The following WIZ variants were observed in gnomAD, a reference collection of about 807,000 sequenced individuals.
WIZ encodes the protein WIZ zinc finger.
Under a neutral mutation model 140.2 loss-of-function variants are expected in WIZ, and 25 were observed. The ratio of observed to expected loss-of-function variants is 0.18; its 90% CI spans 0.13 to 0.25. The LOEUF (loss-of-function observed/expected upper bound fraction) is 0.25. Among genes scored for constraint, WIZ ranks in the 10% least tolerant of loss-of-function variants. The probability of loss-of-function intolerance (pLI) is 1.00; values close to 1 mark genes in which losing one functional copy is unlikely to be tolerated. For synonymous variants in WIZ, 1,125 were observed against 1,154.3 expected (o/e 0.97, Z 0.51); for missense variants, 2,231 against 2,632.6 (o/e 0.85, Z 3.34).
rs1970005955 is a variant in WIZ at position 15,448,748 on chromosome 19, C to T, written c.-60-381G>A. Reference sequence around the variant, plus strand: ...CTGCCCTCACATCCATGCACACGCACATCCTACTGCCATGCCTTCGTTTCC... The same window carrying T: ...CTGCCCTCACATCCATGCACACGCATATCCTACTGCCATGCCTTCGTTTCC... On this transcript the variant is annotated intron_variant, in intron 1 of 12. Coordinates refer to ENST00000673675, the MANE Select transcript of WIZ (RefSeq NM_001371589.1). Among the ~76,000 whole-genome samples the T allele has an allele frequency of 3.9e-5, 6 of 152,156 alleles. No homozygotes were observed. In the South Asian group the frequency reaches 1.2e-3, roughly 31 times the overall value.
chr19:15,424,821 C>G lies in WIZ; in HGVS notation c.5106G>C (p.Lys1702Asn). ...GGCCATGGCCGGCACTGCGGAACTT[C>G]TTGGTGAAGGGGCGGCCGCCCTGGA... ...SYIQGGRPFT[K>N]KFRSAGHGRD... is the part of the protein sequence containing the mutation. The change falls in exon 11 of 13, where the codon AAG (lysine) becomes AAC (asparagine). Residue 1702 changes from lysine (K) to asparagine (N), a missense_variant. This residue lies in a region of WIZ where 299 missense variants were observed against 309.6 expected (regional missense o/e 0.97). Coordinates refer to ENST00000673675, the MANE Select transcript of WIZ (RefSeq NM_001371589.1). The surrounding 1 kb of genome is among the most constrained non-coding windows in gnomAD (Gnocchi z 9.7). The G allele has an allele frequency of 6.2e-7, 1 of 1,609,328 alleles. No individual in the cohort carries two copies. Among genetic ancestry groups the G allele is most frequent in the Non-Finnish European group, 8.5e-7 (1 of 1,178,680 alleles).
In WIZ at chr19:15,424,174, G is replaced by T; in HGVS notation, c.5510+9C>A. 6.7e-7 allele frequency: 1 copy of T among 1,501,728 alleles called. No homozygotes were observed. The highest frequency in any genetic ancestry group is 1.3e-5 in the South Asian group (1 of 74,590). The allele number at this position is 1,501,728 out of a possible 1,614,324, so 93.0% of individuals were successfully genotyped here. On this transcript the variant is annotated intron_variant, in intron 12 of 12. Coordinates refer to ENST00000673675, the MANE Select transcript of WIZ (RefSeq NM_001371589.1). The surrounding 1 kb of genome is among the most constrained non-coding windows in gnomAD (Gnocchi z 9.7). ...GGTGGTCTCCCTCCCTCCCCCAGGG[G>T]CAGCCTACCTGCATTTGAGGGTGTA...
Position 15,439,926 on chromosome 19 carries a change from C to T in WIZ, c.1068G>A (p.Glu356=), listed in dbSNP as rs969687458. The change falls in exon 4 of 13, where the codon GAG becomes GAA. Residue 356 remains glutamate (E), a synonymous_variant. Coordinates refer to ENST00000673675, the MANE Select transcript of WIZ (RefSeq NM_001371589.1). The surrounding 1 kb of genome is among the most constrained non-coding windows in gnomAD (Gnocchi z 7.0). Reference sequence around the variant, plus strand: ...TGGGGTCAGCAAAGGCCCAGCCACACTCCCCGCAGGCCAGCGGGGCCAGGT... The same window carrying T: ...TGGGGTCAGCAAAGGCCCAGCCACATTCCCCGCAGGCCAGCGGGGCCAGGT... ...PADLAPLACG[E]CGWAFADPTA... The T allele has an allele frequency of 1.1e-5, 17 of 1,531,702 alleles. 1 individual carries two copies. The highest frequency in any genetic ancestry group is 2.4e-5 in the South Asian group (2 of 83,734). The allele number at this position is 1,531,702 out of a possible 1,614,324, so 94.9% of individuals were successfully genotyped here. A position where few individuals can be genotyped will look rare whatever the true frequency, so the allele number is the denominator to read the frequency against.
Position 15,440,582 on chromosome 19 carries a change from G to C in WIZ, c.412C>G (p.Leu138Val). ...PLVQEAGEGI[L>V]SERRFEDSVI... Reference sequence around the variant, plus strand: ...GAGTCCTCGAATCTCCGCTCAGATAGGATGCCCTCCCCAGCCTCCTGGACA... The same window carrying C: ...GAGTCCTCGAATCTCCGCTCAGATACGATGCCCTCCCCAGCCTCCTGGACA... Residue 138 changes from leucine (L) to valine (V), a missense_variant, in exon 4 of 13, where the codon CTA (leucine) becomes GTA (valine). By Grantham distance (32) the Leu-to-Val change is conservative. Coordinates refer to ENST00000673675, the MANE Select transcript of WIZ (RefSeq NM_001371589.1). This position sits in a 1 kb window ranked among gnomAD's most constrained non-coding sequence, Gnocchi z 6.2. The C allele has an allele frequency of 2.0e-6, 3 of 1,536,156 alleles. No homozygotes were observed. Among genetic ancestry groups the C allele is most frequent in the Non-Finnish European group, 2.6e-6 (3 of 1,146,866 alleles).
rs1215247532 is a variant in WIZ at position 15,440,728 on chromosome 19, G to A, written c.279-13C>T. 17 of 1,475,512 alleles carry A rather than the reference G, an allele frequency of 1.2e-5. No individual in the cohort carries two copies. In the South Asian group the frequency reaches 1.3e-4, roughly 12 times the overall value. 91.4% of individuals were successfully genotyped at this position (1,475,512 alleles called of 1,614,324 possible). A position where few individuals can be genotyped will look rare whatever the true frequency, so the allele number is the denominator to read the frequency against. On this transcript the variant is annotated splice_polypyrimidine_tract_variant and intron_variant, in intron 3 of 12. Coordinates refer to ENST00000673675, the MANE Select transcript of WIZ (RefSeq NM_001371589.1). This position sits in a 1 kb window ranked among gnomAD's most constrained non-coding sequence, Gnocchi z 6.2. ...TCCATCCCAGCAGCTGCAAGGAAGT[G>A]CCAATGGGGACAGGTTAGCCATGGG...
chr19:15,427,262 T>G lies in WIZ; in HGVS notation c.4086A>C (p.Glu1362Asp). ...TGTGAAGGTCCGAGGGGCTGCGGGC[T>G]TCCAGTGAGCTGCCAGGACCTGCGC... ...MGGAGPGSSLEARSPSDLHIS... is the reference protein window; with the variant it reads ...MGGAGPGSSLDARSPSDLHIS... Residue 1362 changes from glutamate (E) to aspartate (D), a missense_variant, in exon 9 of 13, where the codon GAA (glutamate) becomes GAC (aspartate). Coordinates refer to ENST00000673675, the MANE Select transcript of WIZ (RefSeq NM_001371589.1). The surrounding 1 kb of genome is among the most constrained non-coding windows in gnomAD (Gnocchi z 6.4). 6.2e-7 allele frequency: 1 copy of G among 1,613,788 alleles called. No homozygotes were observed. Among genetic ancestry groups the G allele is most frequent in the Non-Finnish European group, 8.5e-7 (1 of 1,180,010 alleles).
At chr19:15,431,370 T>G (rs1969226401) in intron 5 of WIZ, among the ~76,000 whole-genome samples, 188 bp from the exon 6 acceptor site, 2 of 152,214 alleles carry the variant, frequency 1.3e-5, no homozygotes, top group Non-Finnish European at 2.9e-5. Context: ...AGGCTGCCAC[T>G]GACAGCAGAC....
At chr19:15,441,417 A>G (rs569814153) in intron 3 of WIZ, among the ~76,000 whole-genome samples, 1 of 152,294 alleles carries the variant, frequency 6.6e-6, no homozygotes, top group African/African-American at 2.4e-5. Context: ...ACATCTGTGG[A>G]GCTTTCTCAT....
At position 15,424,735 on chromosome 19, in the gene WIZ, C is replaced by A; in HGVS notation, c.5192G>T (p.Arg1731Leu). Residue 1731 changes from arginine to leucine, a missense_variant, in exon 11 of 13, where the codon CGC becomes CTC. Physicochemically the swap from Arg to Leu is moderately radical, Grantham distance 102. Coordinates refer to ENST00000673675, the MANE Select transcript of WIZ (RefSeq NM_001371589.1). The surrounding 1 kb of genome is among the most constrained non-coding windows in gnomAD (Gnocchi z 9.7). ...LAPGGLAVVG[R>L]SAGGEPGPEA... ...GGGCCCTGGCTCCCCTCCGGCACTG[C>A]GGCCGACCACGGCCAGGCCCCCGGG... 1.3e-6 allele frequency: 2 copies of A among 1,565,004 alleles called. No individual in the cohort carries two copies. The highest frequency in any genetic ancestry group is 1.7e-6 in the Non-Finnish European group (2 of 1,160,194).
rs1568310293 is a variant in WIZ at position 15,439,576 on chromosome 19, G to A, written c.1418C>T (p.Ala473Val). Residue 473 changes from alanine to valine, a missense_variant, in exon 4 of 13, where the codon GCG (alanine) becomes GTG (valine). Coordinates refer to ENST00000673675, the MANE Select transcript of WIZ (RefSeq NM_001371589.1). The surrounding 1 kb of genome is among the most constrained non-coding windows in gnomAD (Gnocchi z 7.0). ...LSACVFCGFP[A>V]PSESLLREHV... ...CTCCCTGAGCAGGCTCTCGCTGGGC[G>A]CGGGGAAACCACAGAAGACACAGGC... is the stretch of plus-strand genomic sequence containing the variant. The A allele has an allele frequency of 1.9e-5, 28 of 1,491,432 alleles. No homozygotes were observed. Among genetic ancestry groups the A allele is most frequent in the South Asian group, 2.5e-5 (2 of 79,564 alleles). 92.4% of individuals were successfully genotyped at this position (1,491,432 alleles called of 1,614,324 possible). A position where few individuals can be genotyped will look rare whatever the true frequency, so the allele number is the denominator to read the frequency against.
Position 15,427,594 on chromosome 19 carries a change from G to C in WIZ, c.3815-61C>G. 6.5e-7 allele frequency: 1 copy of C among 1,536,968 alleles called. No individual in the cohort carries two copies. Reference sequence around the variant, plus strand: ...GGAACTGCCAGCATGGTCACCTGCAGGAGTGTCCTGGTCGGCTGGGCGTGG... The same window carrying C: ...GGAACTGCCAGCATGGTCACCTGCACGAGTGTCCTGGTCGGCTGGGCGTGG... On this transcript the variant is annotated intron_variant, in intron 8 of 12. Coordinates refer to ENST00000673675, the MANE Select transcript of WIZ (RefSeq NM_001371589.1). This position sits in a 1 kb window ranked among gnomAD's most constrained non-coding sequence, Gnocchi z 6.4.
chr19:15,430,581 G>A (rs190719898), intron 6 of WIZ, among the ~76,000 whole-genome samples: 1 of 152,232 alleles, frequency 6.6e-6, no homozygotes, highest in African/African-American at 2.4e-5. Flanking sequence ...AACTTGAATG[G>A]CCCTCAAGAG....
chr19:15,428,291 G>T lies in WIZ; in HGVS notation c.3633C>A (p.His1211Gln). The stretch of plus-strand genomic sequence containing the variant: ...CGGAGGTGGGAGGCGGCCGCCCCGG[G>T]TGGGCCAGGGCGCCGCGCCTGGGTG... ...RLPPRRGALAHPGRPPPTSAA... is the reference protein window; with the variant it reads ...RLPPRRGALAQPGRPPPTSAA... The change falls in exon 8 of 13, where the codon CAC becomes CAA. Residue 1211 changes from histidine to glutamine, a missense_variant. By Grantham distance (24) the His-to-Gln change is conservative. Coordinates refer to ENST00000673675, the MANE Select transcript of WIZ (RefSeq NM_001371589.1). This position sits in a 1 kb window ranked among gnomAD's most constrained non-coding sequence, Gnocchi z 6.4. 6.5e-7 allele frequency: 1 copy of T among 1,530,018 alleles called. No individual in the cohort carries two copies. The highest frequency in any genetic ancestry group is 8.7e-7 in the Non-Finnish European group (1 of 1,144,468). 94.8% of individuals were successfully genotyped at this position (1,530,018 alleles called of 1,614,324 possible).
At position 15,420,436 on chromosome 19, in the gene WIZ, G is replaced by A; in HGVS notation, c.*2640C>T. The A allele has an allele frequency of 6.6e-6, 1 of 152,210 alleles. No homozygotes were observed. The highest frequency in any genetic ancestry group is 1.9e-4 in the East Asian group (1 of 5,206). 9.4% of individuals were successfully genotyped at this position (152,210 alleles called of 1,614,324 possible). On this transcript the variant is annotated 3_prime_UTR_variant, in exon 13 of 13. Transcript: ENST00000673675. Reference sequence around the variant, plus strand: ...GGCTTCGGGGTTCATCTCCCCATCAGCCTCAGGGATGCCTGCCTGTCTTCC... The same window carrying A: ...GGCTTCGGGGTTCATCTCCCCATCAACCTCAGGGATGCCTGCCTGTCTTCC...
chr19:15,421,578 G>A lies in WIZ; in HGVS notation c.*1498C>T, dbSNP rs1385157523. On this transcript the variant is annotated 3_prime_UTR_variant, in exon 13 of 13. Transcript: ENST00000673675. ...GAAATGTTCAATAAACATTTGCAGA[G>A]CGAGAAAATAAATAACATCGCAAAG... is the stretch of plus-strand genomic sequence containing the variant. 3 of 152,234 alleles carry A rather than the reference G, an allele frequency of 2.0e-5. No homozygotes were observed. The highest frequency in any genetic ancestry group is 2.9e-5 in the Non-Finnish European group (2 of 68,046). 9.4% of individuals were successfully genotyped at this position (152,234 alleles called of 1,614,324 possible).
rs1969678594 is a variant in WIZ at position 15,440,106 on chromosome 19, C to T, written c.888G>A (p.Glu296=). Residue 296 remains glutamate (E), a synonymous_variant, in exon 4 of 13, where the codon GAG becomes GAA. Coordinates refer to ENST00000673675, the MANE Select transcript of WIZ (RefSeq NM_001371589.1). The surrounding 1 kb of genome is among the most constrained non-coding windows in gnomAD (Gnocchi z 6.2). ...CTGGGCTGGCCACCCCTTCGGCCAC[C>T]TCCTCCAGCAGCTCACACAGGTAGG... ...TGPYLCELLE[E]VAEGVASPDE... is the part of the protein sequence containing the mutation. 6 of 1,534,408 alleles carry T rather than the reference C, an allele frequency of 3.9e-6. No homozygotes were observed. In the East Asian group the frequency reaches 9.8e-5, roughly 25 times the overall value.
At position 15,436,798 on chromosome 19, in the gene WIZ, CCCCTT is replaced by C; in HGVS notation, c.2740+3_2740+7del. 1 of 1,573,312 alleles carries C rather than the reference CCCCTT, an allele frequency of 6.4e-7. No homozygotes were observed. The highest frequency in any genetic ancestry group is 8.6e-7 in the Non-Finnish European group (1 of 1,166,316). On this transcript the variant is annotated splice_donor_5th_base_variant and intron_variant, in intron 5 of 12. Transcript: ENST00000673675. ...GGGGCTCCAGCACAGCCCGTCCCCT[CCCCTT>C]ACCATCTCCATAGGCTGGCCCAGGG...
chr19:15,426,426 T>C (rs1442287947), intron 9 of WIZ, among the ~76,000 whole-genome samples: 1 of 152,196 alleles, frequency 6.6e-6, no homozygotes, highest in African/African-American at 2.4e-5. Context: ...CCAGGTGCTG[T>C]GCTAAGTGCT....
In WIZ at chr19:15,424,637, C is replaced by G; in HGVS notation, c.5290G>C (p.Glu1764Gln). 6.3e-7 allele frequency: 1 copy of G among 1,593,444 alleles called. No homozygotes were observed. Among genetic ancestry groups the G allele is most frequent in the South Asian group, 1.1e-5 (1 of 90,282 alleles). ...ASPPGTVKAE[E>Q]HQRQNINKFE... ...CTGTTGATGTTCTGCCGCTGGTGCT[C>G]CTCAGCCTTCACGGTGCCTGGCGGG... The change falls in exon 11 of 13, where the codon GAG becomes CAG. Residue 1764 changes from glutamate to glutamine, a missense_variant. By Grantham distance (29) the Glu-to-Gln change is conservative. Coordinates refer to ENST00000673675, the MANE Select transcript of WIZ (RefSeq NM_001371589.1). The surrounding 1 kb of genome is among the most constrained non-coding windows in gnomAD (Gnocchi z 9.7).
Sources: gnomAD v4.1 joint callset for allele counts (sites outside exome capture counted in the v4.1 genomes callset) on GRCh38, gnomAD v4.1.1 for gene constraint, gnomAD v4.1.1 regional missense constraint, Gnocchi (gnomAD v3.1) non-coding constraint, MANE v1.5 for transcripts, NCBI Gene and HGNC (gene_info 2026-07-23, HGNC 2026-07-21) for gene names.